The following GREB1 variants were observed in gnomAD, a reference collection of about 807,000 sequenced individuals.
GREB1 encodes the protein protein GREB1.
Under a neutral mutation model 200.7 loss-of-function variants are expected in GREB1, and 106 were observed. That is an observed-to-expected ratio of 0.53 (90% CI 0.45 to 0.62). The LOEUF is 0.62. Among genes scored for constraint, GREB1 ranks in the 20% least tolerant of loss-of-function variants. GREB1 has a pLI of 0.00. For synonymous variants in GREB1, 1,132 were observed against 1,092.4 expected (o/e 1.04, Z -0.72); for missense variants, 2,243 against 2,556.8 (o/e 0.88, Z 2.65).
chr2:11,637,028 G>A lies in GREB1; in HGVS notation c.5347-688G>A, dbSNP rs374910695. On this transcript the variant is annotated intron_variant, in intron 30 of 32. Transcript: ENST00000381486. ...GGCAGGGGCAGGGACAGAGGCAGGGGCATGGGCAGAGGTAGGGACAGAGGC... is the reference window on the plus strand; with the variant it reads ...GGCAGGGGCAGGGACAGAGGCAGGGACATGGGCAGAGGTAGGGACAGAGGC... Among the ~76,000 whole-genome samples, 2 of 94,460 alleles carry A rather than the reference G, an allele frequency of 2.1e-5. 1 individual carries two copies. The highest frequency in any genetic ancestry group is 4.9e-5 in the Non-Finnish European group (2 of 40,414). 62.0% of individuals were successfully genotyped at this position (94,460 alleles called of 152,430 possible).
chr2:11,598,889 G>C lies in GREB1; in HGVS notation c.2333+29G>C, dbSNP rs749398860. On this transcript the variant is annotated intron_variant, in intron 15 of 32. Transcript: ENST00000381486. ...AGATTGACTTGATATATGACAAGTT[G>C]ACATTTTCCTTCTTTGAAGTGATGT... is the stretch of plus-strand genomic sequence containing the variant. 3 of 1,581,100 alleles carry C rather than the reference G, an allele frequency of 1.9e-6. No homozygotes were observed. The East Asian group carries it at 6.7e-5, about 35-fold the overall frequency.
At chr2:11,637,049 G>T (rs78686986) in intron 30 of GREB1, among the ~76,000 whole-genome samples, 1 of 137,388 alleles carries the variant, frequency 7.3e-6, no homozygotes, top group African/African-American at 2.6e-5. Flanking sequence ...GGTAGGGACA[G>T]AGGCAGGGGC....
intron 3 of GREB1, among the ~76,000 whole-genome samples, chr2:11,565,494 G>A (rs959629336): frequency 3.9e-5 from 6 of 152,160 alleles, no homozygotes; most frequent in African/African-American, 1.2e-4. Flanking sequence ...GGTCTCAGTC[G>A]GGAGCTAAAG....
At chr2:11,484,843 TTTTG>T (rs994358279) in intron 1 of GREB1, among the ~76,000 whole-genome samples, 35 of 152,198 alleles carry the variant, frequency 2.3e-4, no homozygotes, top group Admixed American at 5.9e-4. Context: ...AAATAGTTTT[TTTTG>T]TTTGTTTGTT....
Position 11,618,361 on chromosome 2 carries a change from G to A in GREB1, c.3486G>A (p.Gln1162=), listed in dbSNP as rs1240188111. The A allele has an allele frequency of 6.2e-7, 1 of 1,610,564 alleles. No homozygotes were observed. The highest frequency in any genetic ancestry group is 1.7e-5 in the Admixed American group (1 of 59,848). Residue 1162 remains glutamine (Q), a synonymous_variant, in exon 22 of 33, where the codon CAG becomes CAA. Transcript: ENST00000381486. ...AGGGAGAGCATGCCAGGTCGCCCCA[G>A]CCCCGTGGCCCCGCAGAGGAGGGCA... is the stretch of plus-strand genomic sequence containing the variant. The part of the protein sequence containing the change: ...LPQGEHARSP[Q]PRGPAEEGRA...
chr2:11,614,896 C>A (rs1416952781), intron 19 of GREB1, among the ~76,000 whole-genome samples, 195 bp from the exon 20 acceptor site: 1 of 152,130 alleles, frequency 6.6e-6, no homozygotes, highest in African/African-American at 2.4e-5. Context: ...AGTGGGTGTC[C>A]CCAAAGATTT....
rs566539374 is a variant in GREB1, at chr2:11,618,775, C to A, written c.3900C>A (p.Ser1300Arg). The A allele has an allele frequency of 1.7e-5, 28 of 1,612,556 alleles. No homozygotes were observed. Among genetic ancestry groups the A allele is most frequent in the Non-Finnish European group, 1.7e-6 (2 of 1,179,894 alleles). Residue 1300 changes from serine (S) to arginine (R), a missense_variant, in exon 22 of 33, where the codon AGC (serine) becomes AGA (arginine). Transcript: ENST00000381486. ...CCAGCTCTTTCCGCCCCCTGCTCAG[C>A]AAGACCATGACATCCACCGAGCAGT... ...MWASSFRPLL[S>R]KTMTSTEQSL...
At chr2:11,579,501 C>T (rs1054270715) in intron 6 of GREB1, among the ~76,000 whole-genome samples, 19 of 152,210 alleles carry the variant, frequency 1.2e-4, no homozygotes, top group African/African-American at 4.6e-4. Flanking sequence ...GGCACTGTTC[C>T]AGGCACTTTC....
At chr2:11,592,024 C>T in intron 10 of GREB1, 3 of 982,236 alleles carry the variant, frequency 3.1e-6, no homozygotes, top group Non-Finnish European at 3.6e-6. Context: ...TAGGAGAAAG[C>T]CTATATTCCC....
intron 23 of GREB1, among the ~76,000 whole-genome samples, chr2:11,622,543 C>T (rs1319790032): frequency 6.6e-6 from 1 of 152,174 alleles, no homozygotes; most frequent in African/African-American, 2.4e-5. Flanking sequence ...TTAGTAAGCA[C>T]CATAGACTAC....
rs965365208 is a variant in GREB1 at position 11,640,472 on chromosome 2, T to C, written c.*18T>C. The C allele has an allele frequency of 6.2e-7, 1 of 1,613,666 alleles. No individual in the cohort carries two copies. Among genetic ancestry groups the C allele is most frequent in the South Asian group, 1.1e-5 (1 of 91,030 alleles). Reference sequence around the variant, plus strand: ...ACATCTGAGGAAGACAGCGGCGAGTTTTCTGAAGAGATGAGTGCTCAGAGC... The same window carrying C: ...ACATCTGAGGAAGACAGCGGCGAGTCTTCTGAAGAGATGAGTGCTCAGAGC... On this transcript the variant is annotated 3_prime_UTR_variant, in exon 33 of 33. Coordinates refer to ENST00000381486, the MANE Select transcript of GREB1 (RefSeq NM_014668.4). This position sits in a 1 kb window ranked among gnomAD's most constrained non-coding sequence, Gnocchi z 4.6.
chr2:11,517,899 T>C (rs1319167343), intron 1 of GREB1, among the ~76,000 whole-genome samples: 1 of 152,154 alleles, frequency 6.6e-6, no homozygotes, highest in African/African-American at 2.4e-5. Context: ...GTGATCCACC[T>C]GCCTTGGCCT....
rs1352635107 is a variant in GREB1, at chr2:11,595,295, G to T, written c.1741G>T (p.Ala581Ser). 6.2e-7 allele frequency: 1 copy of T among 1,613,122 alleles called. No individual in the cohort carries two copies. The highest frequency in any genetic ancestry group is 1.7e-5 in the Admixed American group (1 of 60,016). Reference protein sequence around the residue: ...RILSESLLTPAEYQKEVNYEL... With the variant: ...RILSESLLTPSEYQKEVNYEL... ...TCTTTCCGAGAGCCTTCTCACTCCT[G>T]CGGAGTACCAGAAGGAAGTCAATTA... Residue 581 changes from alanine (A) to serine (S), a missense_variant, in exon 12 of 33, where the codon GCG (alanine) becomes TCG (serine). By Grantham distance (99) the Ala-to-Ser change is moderately conservative. This residue lies in a region of GREB1 where 1,178 missense variants were observed against 1,387.4 expected (regional missense o/e 0.85). Transcript: ENST00000381486.
chr2:11,557,352 G>T (rs1676525758), intron 2 of GREB1, among the ~76,000 whole-genome samples: 1 of 152,232 alleles, frequency 6.6e-6, no homozygotes, highest in African/African-American at 2.4e-5. Flanking sequence ...TAACCCCTCA[G>T]TGATCCATAG....
intron 5 of GREB1, among the ~76,000 whole-genome samples, chr2:11,578,072 C>T (rs1679061499): frequency 6.6e-6 from 1 of 152,204 alleles, no homozygotes; most frequent in African/African-American, 2.4e-5. Flanking sequence ...CTCACCATTG[C>T]TCCCACTCTT....
chr2:11,566,440 A>C (rs1400081020), intron 3 of GREB1, 40 bp from the exon 4 acceptor site: 2 of 1,544,594 alleles, frequency 1.3e-6, no homozygotes, highest in South Asian at 2.5e-5. Flanking sequence ...CGCTTCTGGG[A>C]AGCCCTGGGC....
rs77269708 is a variant in GREB1 at position 11,552,374 on chromosome 2, C to A, written c.-161-4080C>A. On this transcript the variant is annotated intron_variant, in intron 1 of 32. Coordinates refer to ENST00000381486, the MANE Select transcript of GREB1 (RefSeq NM_014668.4). ...TAGCAAAGAGACCACGGACAGAGAA[C>A]GAGTGGTCAGGGCCAGCCCAGGGAA... Among the ~76,000 whole-genome samples, 391 of 152,306 alleles carry A rather than the reference C, an allele frequency of 2.6e-3. 2 individuals carry two copies. Among genetic ancestry groups the A allele is most frequent in the Non-Finnish European group, 3.2e-3 (218 of 68,026 alleles).
chr2:11,513,316 A>G (rs985323349), intron 1 of GREB1, among the ~76,000 whole-genome samples: 5 of 152,074 alleles, frequency 3.3e-5, no homozygotes, highest in African/African-American at 4.8e-5. Context: ...AACAGTAAGG[A>G]TGTGTATGTC....
At chr2:11,635,211 A>T (rs2148441643) in intron 29 of GREB1, 59 bp from the exon 30 acceptor site, 29 of 1,604,852 alleles carry the variant, frequency 1.8e-5, no homozygotes, top group Non-Finnish European at 2.5e-5. Flanking sequence ...TGCTGGGGGC[A>T]GTGACGGAGG....
Sources: allele counts gnomAD v4.1 joint callset (sites outside exome capture counted in the v4.1 genomes callset), GRCh38; gene constraint gnomAD v4.1.1; regional missense constraint gnomAD v4.1.1; non-coding constraint Gnocchi (gnomAD v3.1); transcripts MANE v1.5; gene names NCBI Gene and HGNC (gene_info 2026-07-23, HGNC 2026-07-21).